The following SMARCC1 variants were observed in gnomAD, a reference collection of about 807,000 sequenced individuals.
SMARCC1 encodes SWI/SNF related BAF chromatin remodeling complex subunit C1.
SMARCC1 carries 43 observed loss-of-function variants against 147.4 expected under a neutral mutation model. That is an observed-to-expected ratio of 0.29 (90% CI 0.23 to 0.38). The LOEUF is 0.38. Among genes scored for constraint, SMARCC1 ranks in the 10% least tolerant of loss-of-function variants. The probability of loss-of-function intolerance (pLI) is 1.00; values close to 1 mark genes in which losing one functional copy is unlikely to be tolerated. For synonymous variants in SMARCC1, 495 were observed against 484.4 expected (o/e 1.02, Z -0.29); for missense variants, 1,119 against 1,381.1 (o/e 0.81, Z 3.01).
At position 47,638,759 on chromosome 3, in the gene SMARCC1, A is replaced by G; in HGVS notation, c.2342T>C (p.Met781Thr). The change falls in exon 22 of 28, where the codon ATG becomes ACG. Residue 781 changes from methionine to threonine, a missense_variant. By Grantham distance (81) the Met-to-Thr change is moderately conservative. Transcript: ENST00000254480. The stretch of plus-strand genomic sequence containing the variant: ...CTGCTGACCATCAGGGTCGGCTTCC[A>G]TTTTTTCCTCTTCAGCTCCTTCTAC... ...EKLEGAEEEK[M>T]EADPDGQQPE... The G allele has an allele frequency of 6.2e-7, 1 of 1,613,472 alleles. No individual in the cohort carries two copies. Among genetic ancestry groups the G allele is most frequent in the Non-Finnish European group, 8.5e-7 (1 of 1,179,418 alleles).
At chr3:47,662,216 C>T in intron 20 of SMARCC1, 118 bp downstream of exon 20, 1 of 866,304 alleles carries the variant, frequency 1.2e-6, no homozygotes, top group South Asian at 1.8e-5. Flanking sequence ...GTATCTTTCA[C>T]AGGTAATATC....
intron 11 of SMARCC1, among the ~76,000 whole-genome samples, chr3:47,700,623 C>A (rs199526351): frequency 6.6e-6 from 1 of 152,286 alleles, no homozygotes; most frequent in East Asian, 1.9e-4. Flanking sequence ...CAACCTCCTT[C>A]AAGTGATTCT....
At chr3:47,625,918 AAGGCTG>A (rs142017483) in intron 24 of SMARCC1, among the ~76,000 whole-genome samples, 1,530 of 152,094 alleles carry the variant, frequency 0.01, 12 homozygotes, top group East Asian at 0.019. Context: ...AGTGTTTTGG[AAGGCTG>A]AGGCAGAAGA....
Position 47,680,498 on chromosome 3 carries a change from T to A in SMARCC1, c.1396A>T (p.Ile466Phe). 2 of 1,518,706 alleles carry A rather than the reference T, an allele frequency of 1.3e-6. No homozygotes were observed. Among genetic ancestry groups the A allele is most frequent in the South Asian group, 1.1e-5 (1 of 89,154 alleles). The allele number at this position is 1,518,706 out of a possible 1,614,324, so 94.1% of individuals were successfully genotyped here. A position where few individuals can be genotyped will look rare whatever the true frequency, so the allele number is the denominator to read the frequency against. The part of the protein sequence containing the change: ...SWFDYNCIHV[I>F]ERRALPEFFN... Reference sequence around the variant, plus strand: ...AACTCAGGAAGAGCACGCCGTTCAATCACATGAATACTGAAAAGAAGAAGA... The same window carrying A: ...AACTCAGGAAGAGCACGCCGTTCAAACACATGAATACTGAAAAGAAGAAGA... Residue 466 changes from isoleucine (I) to phenylalanine (F), a missense_variant, in exon 15 of 28, where the codon ATT (isoleucine) becomes TTT (phenylalanine). Coordinates refer to ENST00000254480, the MANE Select transcript of SMARCC1 (RefSeq NM_003074.4).
chr3:47,595,279 G>A (rs2106643826), intron 26 of SMARCC1, among the ~76,000 whole-genome samples: 1 of 152,288 alleles, frequency 6.6e-6, no homozygotes, highest in South Asian at 2.1e-4. Context: ...TGTAATCCCA[G>A]TACTTTGGGA....
intron 6 of SMARCC1, among the ~76,000 whole-genome samples, chr3:47,728,074 G>T (rs1175801178): frequency 4.6e-5 from 4 of 86,734 alleles, no homozygotes; most frequent in South Asian, 3.9e-4. Context: ...CACCTTATTA[G>T]TCCCTTTTTT....
intron 19 of SMARCC1, chr3:47,663,728 T>C (rs1208865340): frequency 2.0e-6 from 3 of 1,507,800 alleles, no homozygotes; most frequent in African/African-American, 1.4e-5. Context: ...CAAGGAAAAG[T>C]TCCTTCACAA....
At chr3:47,590,312 A>G (rs2032155427) in intron 27 of SMARCC1, among the ~76,000 whole-genome samples, 1 of 152,230 alleles carries the variant, frequency 6.6e-6, no homozygotes, top group Non-Finnish European at 1.5e-5. Flanking sequence ...CTGTATCCAC[A>G]AAAGGCTGCT....
chr3:47,653,103 G>A lies in SMARCC1; in HGVS notation c.2320+8191C>T, dbSNP rs894746133. ...CTCCCGAGTAGCTGGGACTACAGGC[G>A]CCCGCCACCGCGCCCGGCTAATTTT... On this transcript the variant is annotated intron_variant, in intron 21 of 27. Transcript: ENST00000254480. Among the ~76,000 whole-genome samples the A allele has an allele frequency of 4.6e-5, 7 of 152,058 alleles. No individual in the cohort carries two copies. In the South Asian group the frequency reaches 6.2e-4, roughly 14 times the overall value.
intron 2 of SMARCC1, among the ~76,000 whole-genome samples, chr3:47,770,720 A>G (rs1380428718): frequency 4.6e-5 from 7 of 152,146 alleles, no homozygotes; most frequent in African/African-American, 1.7e-4. Context: ...TACAAGTACT[A>G]AAAGAACACA....
intron 19 of SMARCC1, among the ~76,000 whole-genome samples, chr3:47,665,657 T>C (rs1197077839): frequency 6.6e-6 from 1 of 152,078 alleles, no homozygotes; most frequent in Non-Finnish European, 1.5e-5. Context: ...CTGATAATAA[T>C]GCTAATAAGA....
chr3:47,667,332 A>AG (rs201182128), intron 19 of SMARCC1, among the ~76,000 whole-genome samples: 2,158 of 140,030 alleles, frequency 0.015, 47 homozygotes, highest in African/African-American at 0.043. Flanking sequence ...AAAAAAAAAA[A>AG]AGAGAGAGAG....
chr3:47,612,319 G>C lies in SMARCC1; in HGVS notation c.2782-1992C>G, dbSNP rs557297284. Among the ~76,000 whole-genome samples the C allele has an allele frequency of 1.5e-4, 23 of 152,286 alleles. No individual in the cohort carries two copies. In the South Asian group the frequency reaches 4.6e-3, roughly 30 times the overall value. ...TTTAGGACTCTGAATTTGCTTAAGA[G>C]GTGGCCAGAAAACATCCTCTTATCT... On this transcript the variant is annotated intron_variant, in intron 25 of 27. Coordinates refer to ENST00000254480, the MANE Select transcript of SMARCC1 (RefSeq NM_003074.4).
chr3:47,738,857 T>C (rs994852353), intron 3 of SMARCC1, among the ~76,000 whole-genome samples: 1 of 152,194 alleles, frequency 6.6e-6, no homozygotes, highest in Non-Finnish European at 1.5e-5. Context: ...GCAGAGACTA[T>C]CCCTTAATCT....
intron 14 of SMARCC1, among the ~76,000 whole-genome samples, chr3:47,682,170 C>CT (rs1469417436): frequency 4.6e-5 from 7 of 151,526 alleles, no homozygotes; most frequent in Admixed American, 4.0e-4. Flanking sequence ...TGTTGGGTGC[C>CT]TGTAGTCCCA....
At chr3:47,679,086 C>CACAAAA (rs2033607522) in intron 15 of SMARCC1, among the ~76,000 whole-genome samples, 1 of 151,940 alleles carries the variant, frequency 6.6e-6, no homozygotes, top group Non-Finnish European at 1.5e-5. Context: ...AAATATAGTA[C>CACAAAA]TTAACAACAA....
At position 47,608,849 on chromosome 3, in the gene SMARCC1, TAAAAA is replaced by T. The variant is rs35698988; in HGVS notation, c.3043+1212_3043+1216del. On this transcript the variant is annotated intron_variant, in intron 26 of 27. Transcript: ENST00000254480. ...AGACAACAGAGCGAGACAGTGTCTT[TAAAAA>T]AAAAAAAAAAAAAAAAAAAAGTGTG... 3.5e-5 allele frequency among the ~76,000 whole-genome samples: 3 copies of T among 86,864 alleles called. No homozygotes were observed. The East Asian group carries it at 1.1e-3, about 31-fold the overall frequency. 57.0% of individuals were successfully genotyped at this position (86,864 alleles called of 152,430 possible).
chr3:47,623,273 C>T (rs1474007043), intron 24 of SMARCC1, among the ~76,000 whole-genome samples: 2 of 151,218 alleles, frequency 1.3e-5, no homozygotes, highest in East Asian at 1.9e-4. Flanking sequence ...TGTGACAAGC[C>T]ACAGCTGTGT....
rs1476195207 is a variant in SMARCC1 at position 47,676,704 on chromosome 3, A to C, written c.1650T>G (p.Pro550=). 1 of 1,612,702 alleles carries C rather than the reference A, an allele frequency of 6.2e-7. No individual in the cohort carries two copies. The highest frequency in any genetic ancestry group is 1.1e-5 in the South Asian group (1 of 91,034). The part of the protein sequence containing the change: ...DPESRPMAMG[P]PPTPHFNVLA... ...ATACATTAAAATGAGGAGTAGGAGG[A>C]GGTCCCATTGCCATGGGTCTACTTT... The change falls in exon 17 of 28, where the codon CCT becomes CCG. Residue 550 remains proline, a synonymous_variant. Transcript: ENST00000254480.
Sources: allele counts gnomAD v4.1 joint callset (sites outside exome capture counted in the v4.1 genomes callset), GRCh38; gene constraint gnomAD v4.1.1; transcripts MANE v1.5; gene names NCBI Gene and HGNC (gene_info 2026-07-23, HGNC 2026-07-21).